CTNNA3: variants seen among roughly 807,000 people sequenced by gnomAD.
CTNNA3 encodes the protein catenin alpha-3.
Under a neutral mutation model 95.7 loss-of-function variants are expected in CTNNA3, and 76 were observed. The observed-to-expected ratio is 0.79, with a 90% CI of 0.66 to 0.96. CTNNA3 has a LOEUF of 0.96. Among genes scored for constraint, CTNNA3 ranks in the 40% least tolerant of loss-of-function variants. The probability of loss-of-function intolerance (pLI) is 0.00; values close to 1 mark genes in which losing one functional copy is unlikely to be tolerated. For synonymous variants in CTNNA3, 431 were observed against 374.4 expected, an observed-to-expected ratio of 1.15 and a Z score of -1.74; for missense variants, 1,191 against 1,089.8, an observed-to-expected ratio of 1.09 and a Z score of -1.31.
intron 15 of CTNNA3, among the ~76,000 whole-genome samples, chr10:66,053,529 A>G (rs1002838579): frequency 2.0e-5 from 3 of 151,986 alleles, no homozygotes; most frequent in African/African-American, 7.2e-5. Flanking sequence ...AAAATGTACA[A>G]TTAAGTTATT....
chr10:66,886,703 T>C (rs1845057593), intron 7 of CTNNA3, among the ~76,000 whole-genome samples: 2 of 152,134 alleles, frequency 1.3e-5, no homozygotes, highest in Non-Finnish European at 2.9e-5. Context: ...TTCTGTCTCA[T>C]GTCTAATCCC....
intron 7 of CTNNA3, among the ~76,000 whole-genome samples, chr10:67,162,847 T>G (rs935509591): frequency 1.3e-5 from 2 of 151,890 alleles, no homozygotes; most frequent in Non-Finnish European, 2.9e-5. Flanking sequence ...CAATAAGGGA[T>G]TATACAAACA....
chr10:67,518,025 A>G (rs1839874730), intron 5 of CTNNA3, among the ~76,000 whole-genome samples: 1 of 152,142 alleles, frequency 6.6e-6, no homozygotes, highest in Non-Finnish European at 1.5e-5. Flanking sequence ...CTTTATACAT[A>G]TTTCATAGGA....
At chr10:66,800,763 A>C (rs11818151) in intron 7 of CTNNA3, among the ~76,000 whole-genome samples, 30,208 of 151,062 alleles carry the variant, frequency 0.2, 3,318 homozygotes, top group Non-Finnish European at 0.24. Flanking sequence ...TCATAACTTT[A>C]ATCCTACGTA....
At chr10:66,800,074 TTAAG>T (rs1256522762) in intron 7 of CTNNA3, among the ~76,000 whole-genome samples, 1 of 151,404 alleles carries the variant, frequency 6.6e-6, no homozygotes, top group Non-Finnish European at 1.5e-5. Context: ...AGAAAGGTCT[TTAAG>T]TAAGGTTGAA....
intron 16 of CTNNA3, among the ~76,000 whole-genome samples, chr10:65,973,110 C>T (rs890915221): frequency 6.6e-6 from 1 of 151,964 alleles, no homozygotes; most frequent in Non-Finnish European, 1.5e-5. Flanking sequence ...CAGTGACTCC[C>T]TATTCAGTAT....
chr10:66,039,612 A>G (rs2133487010), intron 15 of CTNNA3, among the ~76,000 whole-genome samples: 1 of 152,338 alleles, frequency 6.6e-6, no homozygotes, highest in Non-Finnish European at 1.5e-5. Context: ...CAAAGCTGAC[A>G]AAAACAGGCA....
intron 5 of CTNNA3, among the ~76,000 whole-genome samples, chr10:67,277,112 T>A (rs1202062262): frequency 6.6e-6 from 1 of 152,174 alleles, no homozygotes; most frequent in Non-Finnish European, 1.5e-5. Flanking sequence ...AAGTGGCAAT[T>A]CATATAATTA....
At chr10:66,356,586 T>A (rs999984026) in intron 12 of CTNNA3, among the ~76,000 whole-genome samples, 1 of 152,008 alleles carries the variant, frequency 6.6e-6, no homozygotes, top group South Asian at 2.1e-4. Context: ...TCTTTGCCAA[T>A]ATATATGCCT....
chr10:66,222,622 A>AAAAGAAAGAAAG (rs147010411), intron 13 of CTNNA3, among the ~76,000 whole-genome samples: 96 of 65,266 alleles, frequency 1.5e-3, no homozygotes, highest in African/African-American at 3.8e-3. Flanking sequence ...GAAAGAAAGA[A>AAAAGAAAGAAAG]AAAGAAAGAA....
At chr10:66,394,581 A>G (rs1320770930) in intron 11 of CTNNA3, among the ~76,000 whole-genome samples, 1 of 150,612 alleles carries the variant, frequency 6.6e-6, no homozygotes, top group Non-Finnish European at 1.5e-5. Flanking sequence ...AGAAGAAGAA[A>G]TCTTTCAGGA....
At chr10:66,790,229 G>A (rs12416458) in intron 7 of CTNNA3, among the ~76,000 whole-genome samples, 47,684 of 151,914 alleles carry the variant, frequency 0.31, 9,197 homozygotes, top group African/African-American at 0.55. Context: ...CGGGTGGATC[G>A]CCTGAGGTCA....
At chr10:66,079,416 A>G (rs1456116574) in intron 14 of CTNNA3, 1 of 152,048 alleles carries the variant, frequency 6.6e-6, no homozygotes, top group Non-Finnish European at 1.5e-5. Flanking sequence ...TATGAATAGT[A>G]TAACAACTAA....
intron 5 of CTNNA3, among the ~76,000 whole-genome samples, chr10:67,397,582 A>G (rs1378462789): frequency 1.3e-5 from 2 of 152,214 alleles, no homozygotes; most frequent in Admixed American, 1.3e-4. Context: ...TCTGGGGAGA[A>G]ATTCAAGCCT....
chr10:66,560,819 G>A (rs1842529788), intron 10 of CTNNA3, among the ~76,000 whole-genome samples: 1 of 151,856 alleles, frequency 6.6e-6, no homozygotes, highest in Non-Finnish European at 1.5e-5. Context: ...TATAAAAAAA[G>A]AAATGAGAGA....
At chr10:67,505,432 G>C (rs74391991) in intron 5 of CTNNA3, among the ~76,000 whole-genome samples, 3,339 of 152,182 alleles carry the variant, frequency 0.022, 153 homozygotes, top group African/African-American at 0.076. Flanking sequence ...ACATGTGGTG[G>C]ACCATTACAT....
At chr10:66,657,319 C>T (rs747621234) in intron 9 of CTNNA3, among the ~76,000 whole-genome samples, 2 of 152,148 alleles carry the variant, frequency 1.3e-5, no homozygotes, top group Non-Finnish European at 2.9e-5. Context: ...AAGCAGCTCT[C>T]GTTCTTTAAT....
chr10:66,985,753 G>C (rs773880962), intron 7 of CTNNA3, among the ~76,000 whole-genome samples: 9 of 152,096 alleles, frequency 5.9e-5, no homozygotes, highest in Non-Finnish European at 1.3e-4. Context: ...TTTTGAGACA[G>C]AGTCTCACTC....
At chr10:66,222,599 CGAAAGAAAGAAAGAAAGAAAGA>C (rs2089003059) in intron 13 of CTNNA3, among the ~76,000 whole-genome samples, 2 of 82,904 alleles carry the variant, frequency 2.4e-5, no homozygotes, top group South Asian at 4.0e-4. Context: ...AAAGAAAGAA[CGAAAGAAAGAAAGAAAGAAAGA>C]AAAAGAAAGA....
Sources: gnomAD v4.1 joint callset for allele counts (sites outside exome capture counted in the v4.1 genomes callset) on GRCh38, gnomAD v4.1.1 for gene constraint, MANE v1.5 for transcripts, NCBI Gene and HGNC (gene_info 2026-07-23, HGNC 2026-07-21) for gene names.